SGCD: variants seen among roughly 807,000 people sequenced by gnomAD.
The protein encoded by SGCD is delta-sarcoglycan.
In SGCD, 18 loss-of-function variants were observed where a neutral mutation model predicts 36.6. That is an observed-to-expected ratio of 0.49 (90% confidence interval 0.34 to 0.73). The LOEUF (loss-of-function observed/expected upper bound fraction) is 0.73, where lower values mean the gene tolerates loss of function less well. Among genes scored for constraint, SGCD ranks in the 30% least tolerant of loss-of-function variants. The pLI is 0.01. For synonymous variants in SGCD, 133 were observed against 130.6 expected (o/e 1.02, Z -0.12); for missense variants, 387 against 346.7 (o/e 1.12, Z -0.92).
chr5:156,096,697 G>T (rs1761384584), intron 1 of SGCD, among the ~76,000 whole-genome samples: 1 of 152,140 alleles, frequency 6.6e-6, no homozygotes, highest in Non-Finnish European at 1.5e-5. Flanking sequence ...GGGAAACATT[G>T]TGCCTGGTGG....
chr5:155,799,514 C>T, the SGCD span, among the ~76,000 whole-genome samples: 1 of 151,878 alleles, frequency 6.6e-6, no homozygotes, highest in Admixed American at 6.6e-5. Flanking sequence ...CCACTTGATC[C>T]TCTTGAATAG....
At chr5:155,994,710 T>C (rs1205869206) in intron 1 of SGCD, among the ~76,000 whole-genome samples, 2 of 152,212 alleles carry the variant, frequency 1.3e-5, no homozygotes, top group Non-Finnish European at 2.9e-5. Context: ...ATAGAAACAA[T>C]TTTTAAATGG....
intron 3 of SGCD, among the ~76,000 whole-genome samples, chr5:156,443,766 A>C (rs1373220105): frequency 6.6e-6 from 1 of 152,136 alleles, no homozygotes; most frequent in Non-Finnish European, 1.5e-5. Flanking sequence ...GTAATTTGTC[A>C]TGAAATAGCT....
chr5:156,229,261 CATATATATATACATACATATAT>C (rs1392421727), intron 3 of SGCD, among the ~76,000 whole-genome samples: 6 of 14,028 alleles, frequency 4.3e-4, no homozygotes, highest in African/African-American at 9.1e-4. Flanking sequence ...TACATACATA[CATATATATATACATACATATAT>C]ATATATATAT....
intron 1 of SGCD, among the ~76,000 whole-genome samples, chr5:156,117,536 C>T (rs1314161111): frequency 2.6e-5 from 4 of 152,052 alleles, no homozygotes; most frequent in East Asian, 3.9e-4. Context: ...AAATTAAATC[C>T]CAAAAATCAT....
chr5:155,855,893 T>C, the SGCD span, among the ~76,000 whole-genome samples: 1 of 152,086 alleles, frequency 6.6e-6, no homozygotes, highest in Admixed American at 6.6e-5. Flanking sequence ...AGCAGGTAAG[T>C]ACATTAACAC....
At chr5:156,170,878 A>G (rs534542606) in intron 3 of SGCD, among the ~76,000 whole-genome samples, 4 of 152,318 alleles carry the variant, frequency 2.6e-5, no homozygotes, top group Non-Finnish European at 5.9e-5. Context: ...TTCTCCGCAC[A>G]TGACTTCTTT....
At chr5:156,223,749 T>C (rs1181247947) in intron 3 of SGCD, among the ~76,000 whole-genome samples, 1 of 152,014 alleles carries the variant, frequency 6.6e-6, no homozygotes, top group African/African-American at 2.4e-5. Context: ...AGAGGGGGGA[T>C]AGAAGTGGCA....
chr5:156,222,728 A>G (rs1764746782), intron 3 of SGCD, among the ~76,000 whole-genome samples: 1 of 152,136 alleles, frequency 6.6e-6, no homozygotes, highest in Non-Finnish European at 1.5e-5. Context: ...TAAAGTAAAT[A>G]ACATTTTAAA....
chr5:156,082,667 A>G (rs1760987318), intron 1 of SGCD, among the ~76,000 whole-genome samples: 5 of 152,230 alleles, frequency 3.3e-5, no homozygotes, highest in African/African-American at 7.2e-5. Flanking sequence ...AGCTATTACA[A>G]TTACAAGTAC....
chr5:156,446,645 C>T (rs1008537143), intron 3 of SGCD, among the ~76,000 whole-genome samples: 1 of 152,102 alleles, frequency 6.6e-6, no homozygotes, highest in Admixed American at 6.6e-5. Flanking sequence ...GGACAGATGG[C>T]CAAAGTTCTA....
chr5:156,067,905 TCGCTCA>T lies in SGCD; in HGVS notation c.-281-49968_-281-49963del, dbSNP rs1448027089. On this transcript the variant is annotated intron_variant, in intron 1 of 9. Coordinates refer to the SGCD transcript ENST00000517913. ...AATGCAGAAATCACCGTCTTCTGCG[TCGCTCA>T]CGCTGGGAGCTGTAGACCGGAGCTG... Among the ~76,000 whole-genome samples, 10 of 145,934 alleles carry T rather than the reference TCGCTCA, an allele frequency of 6.9e-5. 1 individual carries two copies. The highest frequency in any genetic ancestry group is 2.7e-4 in the African/African-American group (10 of 37,086).
chr5:155,779,247 T>C, the SGCD span, among the ~76,000 whole-genome samples: 1 of 151,248 alleles, frequency 6.6e-6, no homozygotes, highest in African/African-American at 2.4e-5. Flanking sequence ...AAGACCAGCC[T>C]GAGCAACATG....
intron 1 of SGCD, among the ~76,000 whole-genome samples, chr5:155,881,537 C>T (rs1755885996): frequency 6.6e-6 from 1 of 152,160 alleles, no homozygotes; most frequent in Non-Finnish European, 1.5e-5. Context: ...GGCAGAGGGC[C>T]TTGCCTTGAT....
chr5:155,834,066 G>A, the SGCD span, among the ~76,000 whole-genome samples: 14 of 152,266 alleles, frequency 9.2e-5, no homozygotes, highest in East Asian at 2.1e-3. Context: ...TTTAAAGGCC[G>A]GCCCAAATGC....
chr5:155,861,595 G>T, the SGCD span, among the ~76,000 whole-genome samples: 2 of 152,184 alleles, frequency 1.3e-5, no homozygotes, highest in African/African-American at 4.8e-5. Context: ...GCATGCGCCT[G>T]TAGTCCCAGC....
At chr5:155,828,147 A>C in the SGCD span, among the ~76,000 whole-genome samples, 1 of 152,144 alleles carries the variant, frequency 6.6e-6, no homozygotes, top group African/African-American at 2.4e-5. Flanking sequence ...CTATTTTAAA[A>C]TATGCATTAT....
intron 3 of SGCD, among the ~76,000 whole-genome samples, chr5:156,498,149 A>C (rs1057351225): frequency 6.6e-6 from 1 of 151,922 alleles, no homozygotes; most frequent in East Asian, 1.9e-4. Flanking sequence ...TCTTTCCCCA[A>C]GCACTTATCT....
chr5:155,735,421 A>G, the SGCD span, among the ~76,000 whole-genome samples: 1 of 152,210 alleles, frequency 6.6e-6, no homozygotes, highest in Non-Finnish European at 1.5e-5. Flanking sequence ...ATAGGCTTTC[A>G]GGAGTGAGAA....
Sources: gnomAD v4.1 joint callset for allele counts (sites outside exome capture counted in the v4.1 genomes callset) on GRCh38, gnomAD v4.1.1 for gene constraint, MANE v1.5 for transcripts, NCBI Gene and HGNC (gene_info 2026-07-23, HGNC 2026-07-21) for gene names.